The following ADK variants were observed in gnomAD, a reference collection of about 807,000 sequenced individuals.
ADK encodes the protein N6,N6-dimethyladenosine kinase.
Under a neutral mutation model 44.7 loss-of-function variants are expected in ADK, and 24 were observed. The ratio of observed to expected loss-of-function variants is 0.54; its 90% CI spans 0.39 to 0.76. ADK has a LOEUF of 0.76. ADK is among the 30% of genes least tolerant of loss of function. ADK has a pLI of 0.00. For missense variants in ADK, 321 were observed against 425.1 expected (o/e 0.76, Z 2.15); for synonymous variants, 128 against 142.6 (o/e 0.90, Z 0.73).
chr10:74,609,550 G>A (rs887400217), intron 9 of ADK, among the ~76,000 whole-genome samples: 4 of 152,022 alleles, frequency 2.6e-5, no homozygotes, highest in Non-Finnish European at 5.9e-5. Flanking sequence ...GCTTCCGCTC[G>A]CCCTTTGTGG....
At position 74,610,493 on chromosome 10, in the gene ADK, A is replaced by G. The variant is rs1303214659; in HGVS notation, c.877+10000A>G. 2.0e-5 allele frequency among the ~76,000 whole-genome samples: 3 copies of G among 152,314 alleles called. No individual in the cohort carries two copies. The East Asian group carries it at 5.8e-4, about 29-fold the overall frequency. On this transcript the variant is annotated intron_variant, in intron 9 of 10. Coordinates refer to ENST00000539909, the MANE Select transcript of ADK (RefSeq NM_006721.4). ...GAAAAAGTTGTAAAGATGGGTAGTG[A>G]TAATTGCACAATAATATGAATGTAC... is the stretch of plus-strand genomic sequence containing the variant.
chr10:74,186,348 C>T lies in ADK; in HGVS notation c.66-14416C>T, dbSNP rs118078309. 2.9e-3 allele frequency among the ~76,000 whole-genome samples: 448 copies of T among 152,052 alleles called. 4 individuals carry two copies. The South Asian group carries it at 0.032, about 11-fold the overall frequency. Reference sequence around the variant, plus strand: ...GGGCTTGAGTGCAATGGGGCAAACACGTCTCACTGCAACCTTGACCTCCCC... The same window carrying T: ...GGGCTTGAGTGCAATGGGGCAAACATGTCTCACTGCAACCTTGACCTCCCC... On this transcript the variant is annotated intron_variant, in intron 1 of 10. Transcript: ENST00000539909.
At position 74,184,501 on chromosome 10, in the gene ADK, TTGTGTGTGTGTGTG is replaced by T. The variant is rs67693938; in HGVS notation, c.66-16233_66-16220del. ...ACACACCACCATGCCTGGCTATATT[TTGTGTGTGTGTGTG>T]TGTGTGTGTGTGTGTGTGTGTGTGT... On this transcript the variant is annotated intron_variant, in intron 1 of 10. Transcript: ENST00000539909. Among the ~76,000 whole-genome samples the T allele has an allele frequency of 2.3e-3, 322 of 138,506 alleles. 2 individuals carry two copies. The highest frequency in any genetic ancestry group is 4.5e-3 in the African/African-American group (167 of 36,728). The allele number at this position is 138,506 out of a possible 152,430, so 90.9% of individuals were successfully genotyped here.
intron 3 of ADK, among the ~76,000 whole-genome samples, chr10:74,280,998 G>T (rs771528777): frequency 6.6e-6 from 1 of 152,152 alleles, no homozygotes; most frequent in Non-Finnish European, 1.5e-5. Context: ...TTATATACAG[G>T]TTAAGTATCC....
Position 74,533,314 on chromosome 10 carries a change from A to C in ADK, c.726+7888A>C, listed in dbSNP as rs74688693. Among the ~76,000 whole-genome samples, 1,509 of 152,302 alleles carry C rather than the reference A, an allele frequency of 9.9e-3. 104 individuals are homozygous for C. The East Asian group carries it at 0.16, about 16-fold the overall frequency. ...GATTCTAATATTTATATGGAAAAGC[A>C]CTGGACTAGAGTAGCCAAACCAACG... On this transcript the variant is annotated intron_variant, in intron 7 of 10. Transcript: ENST00000539909.
chr10:74,610,418 T>C (rs993097534), intron 9 of ADK, among the ~76,000 whole-genome samples: 29 of 152,028 alleles, frequency 1.9e-4, no homozygotes, highest in African/African-American at 6.3e-4. Context: ...GGGGGAGGGC[T>C]GAATGGAAAG....
At chr10:74,390,551 C>T (rs1480868235) in intron 4 of ADK, among the ~76,000 whole-genome samples, 1 of 152,110 alleles carries the variant, frequency 6.6e-6, no homozygotes, top group Non-Finnish European at 1.5e-5. Context: ...TCCTCAGAAC[C>T]ATTCTGAAGT....
At chr10:74,252,110 C>G (rs1156538809) in intron 3 of ADK, among the ~76,000 whole-genome samples, 2 of 151,974 alleles carry the variant, frequency 1.3e-5, no homozygotes, top group African/African-American at 4.8e-5. Flanking sequence ...GTAACACCTC[C>G]TCTCCCCTCA....
intron 1 of ADK, among the ~76,000 whole-genome samples, chr10:74,177,054 T>C (rs936838961): frequency 1.3e-5 from 2 of 152,230 alleles, no homozygotes; most frequent in African/African-American, 4.8e-5. Context: ...TCTGCTTTCC[T>C]CAGAAGTTTT....
At chr10:74,532,444 C>T (rs573672096) in intron 7 of ADK, among the ~76,000 whole-genome samples, 118 of 147,384 alleles carry the variant, frequency 8.0e-4, no homozygotes, top group African/African-American at 2.4e-3. Flanking sequence ...TGCCACCACA[C>T]GCCAGCCTGG....
At chr10:74,350,538 A>G (rs181394517) in intron 4 of ADK, among the ~76,000 whole-genome samples, 5 of 152,298 alleles carry the variant, frequency 3.3e-5, no homozygotes, top group Middle Eastern at 3.4e-3. Flanking sequence ...TTCAAAAGCT[A>G]GCAGAAGACA....
At chr10:74,550,162 C>T (rs574982363) in intron 7 of ADK, among the ~76,000 whole-genome samples, 49 of 151,752 alleles carry the variant, frequency 3.2e-4, no homozygotes, top group Non-Finnish European at 3.1e-4. Context: ...CCTCTGCCTC[C>T]CGGGTTCAAG....
intron 4 of ADK, among the ~76,000 whole-genome samples, chr10:74,346,036 A>C (rs1427259485): frequency 1.3e-5 from 2 of 152,176 alleles, no homozygotes; most frequent in East Asian, 3.9e-4. Flanking sequence ...CTGGGACTGC[A>C]GGTACATGCC....
intron 7 of ADK, among the ~76,000 whole-genome samples, chr10:74,558,980 G>A (rs564871240): frequency 2.8e-4 from 42 of 152,302 alleles, no homozygotes; most frequent in Non-Finnish European, 4.9e-4. Flanking sequence ...TTGAATGTTT[G>A]ATTTTCATGA....
At chr10:74,225,136 G>A (rs1351486044) in intron 3 of ADK, among the ~76,000 whole-genome samples, 1 of 152,166 alleles carries the variant, frequency 6.6e-6, no homozygotes, top group African/African-American at 2.4e-5. Context: ...CCAGGCTGGA[G>A]GCGCAATCTC....
chr10:74,299,533 A>AT (rs1190981430), intron 3 of ADK, among the ~76,000 whole-genome samples: 6 of 128,288 alleles, frequency 4.7e-5, no homozygotes, highest in Admixed American at 7.8e-5. Context: ...TATATATATA[A>AT]AATATATTAA....
At chr10:74,425,909 T>C (rs1422233116) in intron 6 of ADK, among the ~76,000 whole-genome samples, 1 of 152,228 alleles carries the variant, frequency 6.6e-6, no homozygotes, top group Non-Finnish European at 1.5e-5. Flanking sequence ...TAGTCAGAAA[T>C]AGAAGTCTCT....
At chr10:74,431,338 A>G (rs941105265) in intron 6 of ADK, among the ~76,000 whole-genome samples, 3 of 152,154 alleles carry the variant, frequency 2.0e-5, no homozygotes, top group South Asian at 2.1e-4. Flanking sequence ...CATCGGCCCA[A>G]ATGTTTGTGT....
intron 3 of ADK, among the ~76,000 whole-genome samples, chr10:74,260,776 G>A (rs1455965592): frequency 6.6e-6 from 1 of 151,944 alleles, no homozygotes; most frequent in African/African-American, 2.4e-5. Context: ...AAATATCATC[G>A]AAGTTGATAA....
Sources: allele counts gnomAD v4.1 joint callset (sites outside exome capture counted in the v4.1 genomes callset), GRCh38; gene constraint gnomAD v4.1.1; transcripts MANE v1.5; gene names NCBI Gene and HGNC (gene_info 2026-07-23, HGNC 2026-07-21).